CENPC: variants seen among roughly 807,000 people sequenced by gnomAD.
CENPC encodes the protein centromere protein C.
A neutral mutation model predicts 112.1 loss-of-function variants in CENPC; 63 were observed. The ratio of observed to expected loss-of-function variants is 0.56; its 90% CI spans 0.46 to 0.69. The LOEUF (loss-of-function observed/expected upper bound fraction) is 0.69, where lower values mean the gene tolerates loss of function less well. CENPC is among the 30% of genes least tolerant of loss of function. The probability of loss-of-function intolerance (pLI) is 0.00; values close to 1 mark genes in which losing one functional copy is unlikely to be tolerated. For missense variants in CENPC, 1,000 were observed against 1,103.8 expected, an observed-to-expected ratio of 0.91 and a Z score of 1.33; for synonymous variants, 333 against 367.6, an observed-to-expected ratio of 0.91 and a Z score of 1.08.
intron 12 of CENPC, among the ~76,000 whole-genome samples, chr4:67,502,747 C>A (rs183401040): frequency 5.3e-5 from 8 of 152,232 alleles, no homozygotes; most frequent in Admixed American, 5.2e-4. Flanking sequence ...CCCCAGTAGT[C>A]CCCAGATCAG....
intron 5 of CENPC, among the ~76,000 whole-genome samples, 155 bp from the exon 6 acceptor site, chr4:67,519,657 G>C (rs1479639353): frequency 6.6e-6 from 1 of 151,998 alleles, no homozygotes; most frequent in Non-Finnish European, 1.5e-5. Context: ...ATTAAAATAA[G>C]TAAGTACTTA....
chr4:67,476,142 T>C (rs1161600003), intron 17 of CENPC, among the ~76,000 whole-genome samples: 1 of 151,918 alleles, frequency 6.6e-6, no homozygotes, highest in African/African-American at 2.4e-5. Flanking sequence ...CAGGAAAAAG[T>C]GGAGGATAGA....
intron 4 of CENPC, among the ~76,000 whole-genome samples, chr4:67,533,154 G>A (rs373940672): frequency 5.3e-5 from 8 of 152,178 alleles, no homozygotes; most frequent in African/African-American, 1.4e-4. Context: ...TGTGGAAGGC[G>A]CCCAGGGGGA....
chr4:67,508,686 A>T, intron 10 of CENPC, 128 bp downstream of exon 10: 1 of 802,998 alleles, frequency 1.2e-6, no homozygotes, highest in Non-Finnish European at 1.9e-6. Flanking sequence ...GGCTGGATTT[A>T]ATACCAGGTA....
At chr4:67,487,417 C>T (rs1725123417) in intron 17 of CENPC, among the ~76,000 whole-genome samples, 1 of 151,632 alleles carries the variant, frequency 6.6e-6, no homozygotes, top group Non-Finnish European at 1.5e-5. Context: ...AGTTTCATAT[C>T]CTTAGCCAGC....
Position 67,541,028 on chromosome 4 carries a change from G to T in CENPC, c.88C>A (p.Gln30Lys). The T allele has an allele frequency of 6.2e-7, 1 of 1,609,414 alleles. No individual in the cohort carries two copies. The highest frequency in any genetic ancestry group is 8.5e-7 in the Non-Finnish European group (1 of 1,177,788). Residue 30 changes from glutamine (Q) to lysine (K), a missense_variant, in exon 3 of 19, where the codon CAA (glutamine) becomes AAA (lysine). Physicochemically the swap from Gln to Lys is moderately conservative, Grantham distance 53. Transcript: ENST00000273853. ...AAGATTTCCAGAACATTCTGGCCTT[G>T]CTCTGTGTTAATGTCACGTGCCCTA... ...PSRARDINTE[Q>K]GQNVLEILQD... is the part of the protein sequence containing the mutation.
chr4:67,498,645 T>C (rs1385503393), intron 12 of CENPC, among the ~76,000 whole-genome samples: 1 of 152,230 alleles, frequency 6.6e-6, no homozygotes, highest in Non-Finnish European at 1.5e-5. Flanking sequence ...AATTTTGTCA[T>C]GAAATTGCAG....
chr4:67,532,824 C>A (rs993811799), intron 4 of CENPC, among the ~76,000 whole-genome samples: 1 of 152,136 alleles, frequency 6.6e-6, no homozygotes, highest in Middle Eastern at 3.4e-3. Flanking sequence ...TGCAGCACAC[C>A]AACATGGCAC....
intron 4 of CENPC, among the ~76,000 whole-genome samples, chr4:67,536,438 T>C (rs1726720954): frequency 6.6e-6 from 1 of 152,194 alleles, no homozygotes; most frequent in Admixed American, 6.5e-5. Context: ...ATTTATTTCA[T>C]GAAGCTCGGT....
chr4:67,510,697 C>T (rs1403092454), intron 9 of CENPC: 1 of 276,266 alleles, frequency 3.6e-6, no homozygotes, highest in African/African-American at 2.2e-5. Context: ...ATGGCAAGTA[C>T]TCCATATACA....
intron 4 of CENPC, among the ~76,000 whole-genome samples, chr4:67,534,699 A>G (rs1726664929): frequency 6.6e-6 from 1 of 152,188 alleles, no homozygotes; most frequent in South Asian, 2.1e-4. Context: ...AAATCTACAG[A>G]TATTAACACC....
intron 8 of CENPC, 78 bp from the exon 9 acceptor site, chr4:67,512,647 C>A (rs1000659045): frequency 3.9e-6 from 4 of 1,013,410 alleles, no homozygotes; most frequent in East Asian, 2.9e-5. Context: ...TATAAAAAAA[C>A]CGTCAATTAC....
In CENPC at chr4:67,506,919, T is replaced by C. The variant is rs772170543; in HGVS notation, c.1920A>G (p.Ser640=). 2 of 1,607,456 alleles carry C rather than the reference T, an allele frequency of 1.2e-6. No individual in the cohort carries two copies. The highest frequency in any genetic ancestry group is 1.7e-4 in the Middle Eastern group (1 of 6,022). Residue 640 remains serine, a synonymous_variant, in exon 11 of 19, where the codon TCA becomes TCG. Coordinates refer to ENST00000273853, the MANE Select transcript of CENPC (RefSeq NM_001812.4). ...CAGTCATAATGTTATCTTCATTCTT[T>C]GAGCTTCTTGTAGATCTATAAAAAT... ...NLDCSRSTRS[S]KNEDNIMTAQ... is the part of the protein sequence containing the mutation.
chr4:67,469,199 T>A lies in CENPC; in HGVS notation c.*3406A>T, dbSNP rs1724587008. ...GTGGAATCCTATCCAACAATAAAAA[T>A]TAGAAAAATCATTAAAAAAACTCTC... On this transcript the variant is annotated 3_prime_UTR_variant, in exon 19 of 19. Transcript: ENST00000273853. The A allele has an allele frequency of 6.6e-6, 1 of 152,004 alleles. No homozygotes were observed. Among genetic ancestry groups the A allele is most frequent in the Non-Finnish European group, 1.5e-5 (1 of 67,992 alleles). 9.4% of individuals were successfully genotyped at this position (152,004 alleles called of 1,614,324 possible).
chr4:67,484,957 G>A (rs1725054508), intron 17 of CENPC, among the ~76,000 whole-genome samples: 1 of 152,160 alleles, frequency 6.6e-6, no homozygotes, highest in Admixed American at 6.5e-5. Context: ...GCCAGGCGTG[G>A]TGGCGGGCAC....
Position 67,469,364 on chromosome 4 carries a change from TGA to T in CENPC, c.*3239_*3240del, listed in dbSNP as rs1724590675. 2 of 152,210 alleles carry T rather than the reference TGA, an allele frequency of 1.3e-5. No homozygotes were observed. The highest frequency in any genetic ancestry group is 1.3e-4 in the Admixed American group (2 of 15,282). The allele number at this position is 152,210 out of a possible 1,614,324, so 9.4% of individuals were successfully genotyped here. Reference sequence around the variant, plus strand: ...CGGTGATTCTTTTGTTTTCTTTTTTTGAGTCAGAGTCTTGCTCGGCTGCCCAG... The same window carrying T: ...CGGTGATTCTTTTGTTTTCTTTTTTTGTCAGAGTCTTGCTCGGCTGCCCAG... On this transcript the variant is annotated 3_prime_UTR_variant, in exon 19 of 19. Coordinates refer to ENST00000273853, the MANE Select transcript of CENPC (RefSeq NM_001812.4).
At chr4:67,485,467 T>C (rs1315441565) in intron 17 of CENPC, among the ~76,000 whole-genome samples, 1 of 89,700 alleles carries the variant, frequency 1.1e-5, no homozygotes, top group Admixed American at 1.5e-4. Context: ...TCTGGAATCT[T>C]AACCCCCCCA....
At chr4:67,540,783 A>G (rs1221020827) in intron 3 of CENPC, among the ~76,000 whole-genome samples, 197 bp downstream of exon 3, 1 of 152,230 alleles carries the variant, frequency 6.6e-6, no homozygotes, top group East Asian at 1.9e-4. Flanking sequence ...TTGTCAAATT[A>G]TTATTTTTTG....
intron 9 of CENPC, among the ~76,000 whole-genome samples, chr4:67,510,434 A>G (rs1158759356): frequency 6.6e-6 from 1 of 152,182 alleles, no homozygotes; most frequent in Non-Finnish European, 1.5e-5. Context: ...CCAGCAGACT[A>G]ACAACTCCTT....
Sources: gnomAD v4.1 joint callset for allele counts (sites outside exome capture counted in the v4.1 genomes callset) on GRCh38, gnomAD v4.1.1 for gene constraint, MANE v1.5 for transcripts, NCBI Gene and HGNC (gene_info 2026-07-23, HGNC 2026-07-21) for gene names.